Variants in SORCS2 observed in about 807,000 individuals in gnomAD.
SORCS2 encodes sortilin related VPS10 domain containing receptor 2.
Under a neutral mutation model 141.6 loss-of-function variants are expected in SORCS2, and 100 were observed. The observed-to-expected ratio is 0.71, with a 90% CI of 0.60 to 0.83. The LOEUF (loss-of-function observed/expected upper bound fraction) is 0.83. Ranked by LOEUF, SORCS2 falls within the 40% of genes least tolerant of loss-of-function variation. SORCS2 has a pLI of 0.00. For synonymous variants in SORCS2, 789 were observed against 676.9 expected (o/e 1.17, Z -2.57); for missense variants, 1,646 against 1,560.2 (o/e 1.05, Z -0.93).
intron 2 of SORCS2, among the ~76,000 whole-genome samples, chr4:7,420,233 C>T (rs139862842): frequency 1.1e-3 from 170 of 152,346 alleles, no homozygotes; most frequent in Non-Finnish European, 2.2e-3. Context: ...GCTGCAGCAA[C>T]GCCAGTTTTG....
chr4:7,530,873 C>G (rs1560360950), intron 2 of SORCS2, among the ~76,000 whole-genome samples: 1 of 152,186 alleles, frequency 6.6e-6, no homozygotes, highest in Non-Finnish European at 1.5e-5. Flanking sequence ...AGCCCTGTCT[C>G]CCAGCACGAG....
Position 7,742,638 on chromosome 4 carries a change from T to G in SORCS2, c.*2374T>G, listed in dbSNP as rs1712761739. ...CCATGGAGATCCAGGCGTGGGCCCG[T>G]GTCTGTCCCTGGTTGTAAATTCGAG... is the stretch of plus-strand genomic sequence containing the variant. On this transcript the variant is annotated 3_prime_UTR_variant, in exon 27 of 27. Coordinates refer to ENST00000507866, the MANE Select transcript of SORCS2 (RefSeq NM_020777.3). The G allele has an allele frequency of 6.6e-6, 1 of 152,194 alleles. No individual in the cohort carries two copies. Among genetic ancestry groups the G allele is most frequent in the South Asian group, 2.1e-4 (1 of 4,822 alleles). The allele number at this position is 152,194 out of a possible 1,614,324, so 9.4% of individuals were successfully genotyped here.
intron 2 of SORCS2, among the ~76,000 whole-genome samples, chr4:7,464,799 G>C (rs1729516565): frequency 6.6e-6 from 1 of 152,242 alleles, no homozygotes; most frequent in Non-Finnish European, 1.5e-5. Flanking sequence ...GTACTTGTTT[G>C]TGCTGGGCAT....
At chr4:7,655,069 A>G (rs1335044737) in intron 5 of SORCS2, among the ~76,000 whole-genome samples, 5 of 152,182 alleles carry the variant, frequency 3.3e-5, no homozygotes, top group Non-Finnish European at 7.4e-5. Context: ...GCCAGGAGCC[A>G]GTGCAGCCGT....
At chr4:7,707,363 G>A (rs949851076) in intron 14 of SORCS2, among the ~76,000 whole-genome samples, 7 of 152,170 alleles carry the variant, frequency 4.6e-5, no homozygotes, top group East Asian at 1.9e-4. Flanking sequence ...GCTGGACGTC[G>A]GATTTAGCAA....
chr4:7,512,259 G>A (rs1732705097), intron 2 of SORCS2, among the ~76,000 whole-genome samples: 1 of 151,246 alleles, frequency 6.6e-6, no homozygotes, highest in Admixed American at 6.6e-5. Flanking sequence ...GCATCTCGAA[G>A]TCCAGCCCAG....
chr4:7,574,204 C>A (rs1193903277), intron 3 of SORCS2, among the ~76,000 whole-genome samples: 1 of 152,228 alleles, frequency 6.6e-6, no homozygotes, highest in Middle Eastern at 3.2e-3. Flanking sequence ...GCCTTTGCGG[C>A]CCCAGGACGG....
chr4:7,415,398 G>T (rs538334240), intron 2 of SORCS2, among the ~76,000 whole-genome samples: 1 of 152,172 alleles, frequency 6.6e-6, no homozygotes, highest in Non-Finnish European at 1.5e-5. Context: ...CGTGGCTCAG[G>T]CCTTCCCTCC....
At chr4:7,445,733 C>G (rs1428564453) in intron 2 of SORCS2, among the ~76,000 whole-genome samples, 1 of 152,124 alleles carries the variant, frequency 6.6e-6, no homozygotes, top group Non-Finnish European at 1.5e-5. Context: ...GTCAGGCTGC[C>G]CTTTTGTCAG....
intron 2 of SORCS2, chr4:7,434,297 G>A: frequency 6.2e-7 from 1 of 1,612,326 alleles, no homozygotes; most frequent in South Asian, 1.1e-5. Flanking sequence ...ACAGCCTCCT[G>A]GAGTCGGGAG....
intron 1 of SORCS2, among the ~76,000 whole-genome samples, chr4:7,243,920 G>T (rs905401753): frequency 6.6e-6 from 1 of 151,446 alleles, no homozygotes; most frequent in East Asian, 2.0e-4. Context: ...GGCCTGGCCC[G>T]ATGGTGGGAT....
intron 2 of SORCS2, among the ~76,000 whole-genome samples, chr4:7,425,587 G>A (rs899283336): frequency 2.0e-5 from 3 of 152,176 alleles, no homozygotes; most frequent in Admixed American, 6.5e-5. Context: ...ACAGAGAAAC[G>A]TCAGAGGCTT....
chr4:7,481,798 G>C (rs1730650661), intron 2 of SORCS2, among the ~76,000 whole-genome samples: 1 of 152,118 alleles, frequency 6.6e-6, no homozygotes, highest in Non-Finnish European at 1.5e-5. Context: ...CCAGAACAGA[G>C]GAGGGTGTGC....
chr4:7,527,745 G>A (rs74535960), intron 2 of SORCS2, among the ~76,000 whole-genome samples: 4,423 of 152,182 alleles, frequency 0.029, 213 homozygotes, highest in African/African-American at 0.1. Context: ...CTGAGCCTGG[G>A]GCCCTCATGC....
At chr4:7,523,261 C>T (rs969372855) in intron 2 of SORCS2, among the ~76,000 whole-genome samples, 4 of 152,154 alleles carry the variant, frequency 2.6e-5, no homozygotes, top group Non-Finnish European at 4.4e-5. Context: ...ATTCGATCCA[C>T]GAGTGTCAGT....
intron 10 of SORCS2, among the ~76,000 whole-genome samples, chr4:7,687,406 C>T (rs545467561): frequency 7.2e-5 from 11 of 152,306 alleles, no homozygotes; most frequent in Non-Finnish European, 1.3e-4. Context: ...ACTCGTAGGC[C>T]TGCTTTTCCA....
chr4:7,524,029 G>C (rs1733508426), intron 2 of SORCS2, among the ~76,000 whole-genome samples: 1 of 152,236 alleles, frequency 6.6e-6, no homozygotes, highest in African/African-American at 2.4e-5. Flanking sequence ...GAAGTAGGCA[G>C]GTGAGGTGCT....
chr4:7,570,431 G>T (rs890456060), intron 3 of SORCS2, among the ~76,000 whole-genome samples: 9 of 152,252 alleles, frequency 5.9e-5, no homozygotes, highest in African/African-American at 2.2e-4. Flanking sequence ...GTCACTGAGG[G>T]TTCGCTGGGT....
chr4:7,250,805 T>C (rs1344206121), intron 1 of SORCS2, among the ~76,000 whole-genome samples: 1 of 152,280 alleles, frequency 6.6e-6, no homozygotes, highest in African/African-American at 2.4e-5. Context: ...GTGGGTTCCC[T>C]TTCACTTTGT....
Sources: allele counts gnomAD v4.1 joint callset (sites outside exome capture counted in the v4.1 genomes callset), GRCh38; gene constraint gnomAD v4.1.1; transcripts MANE v1.5; gene names NCBI Gene and HGNC (gene_info 2026-07-23, HGNC 2026-07-21).